Variants in RYR3 observed in about 807,000 individuals in gnomAD.
The protein encoded by RYR3 is ryanodine receptor 3, also known as brain ryanodine receptor-calcium release channel.
In RYR3, 207 loss-of-function variants were observed where a neutral mutation model predicts 584.3. That is an observed-to-expected ratio of 0.35 (90% CI 0.32 to 0.40). RYR3 has a LOEUF of 0.40. Ranked by LOEUF, RYR3 falls within the 10% of genes least tolerant of loss-of-function variation. RYR3 has a pLI of 1.00. For missense variants in RYR3, 5,616 were observed against 6,089.2 expected (o/e 0.92, Z 2.59); for synonymous variants, 2,416 against 2,248.5 (o/e 1.07, Z -2.11).
At chr15:33,789,318 T>C (rs961893128) in intron 67 of RYR3, among the ~76,000 whole-genome samples, 6 of 151,862 alleles carry the variant, frequency 4.0e-5, no homozygotes, top group Admixed American at 1.3e-4. Flanking sequence ...GTGATCTGAT[T>C]CACTCTTTGA....
intron 48 of RYR3, 151 bp from the exon 49 acceptor site, chr15:33,736,084 C>A: frequency 3.5e-6 from 2 of 574,484 alleles, no homozygotes; most frequent in Non-Finnish European, 6.2e-6. Context: ...TCAAGTGTTT[C>A]ATCATCTACT....
chr15:33,519,077 C>A (rs1398185242), intron 3 of RYR3, among the ~76,000 whole-genome samples: 1 of 152,186 alleles, frequency 6.6e-6, no homozygotes, highest in African/African-American at 2.4e-5. Flanking sequence ...CCATTAACTG[C>A]ATCTTTTCCC....
intron 67 of RYR3, among the ~76,000 whole-genome samples, chr15:33,795,486 C>T (rs1314368171): frequency 6.8e-6 from 1 of 147,490 alleles, no homozygotes; most frequent in African/African-American, 2.5e-5. Context: ...CCTCTGCCTC[C>T]TGGGTTCAAG....
chr15:33,790,240 A>G (rs7402430), intron 67 of RYR3, among the ~76,000 whole-genome samples: 91,088 of 150,042 alleles, frequency 0.61, 28,785 homozygotes, highest in East Asian at 0.96. Flanking sequence ...TGATCCACCC[A>G]CCTCGACCTC....
intron 26 of RYR3, among the ~76,000 whole-genome samples, chr15:33,636,032 A>G (rs181833733): frequency 1.6e-4 from 24 of 152,236 alleles, no homozygotes; most frequent in Non-Finnish European, 2.4e-4. Context: ...CCTTTCTACA[A>G]TCACCTTCAT....
chr15:33,632,231 A>G (rs781638236), intron 23 of RYR3, among the ~76,000 whole-genome samples: 5 of 152,232 alleles, frequency 3.3e-5, no homozygotes, highest in African/African-American at 7.2e-5. Context: ...TAGGCAGTCA[A>G]TGGCCCTAGG....
chr15:33,728,062 A>G (rs1213201545), intron 46 of RYR3, among the ~76,000 whole-genome samples: 5 of 152,200 alleles, frequency 3.3e-5, no homozygotes, highest in Non-Finnish European at 7.3e-5. Context: ...TCTATTTATG[A>G]TGTAATAACT....
intron 1 of RYR3, among the ~76,000 whole-genome samples, chr15:33,325,788 TTTCTC>T (rs1187576245): frequency 6.2e-5 from 9 of 145,108 alleles, no homozygotes; most frequent in African/African-American, 1.8e-4. Flanking sequence ...TTTCTTTTCT[TTTCTC>T]TTTTCATTTC....
chr15:33,508,519 G>A (rs1314364416), intron 3 of RYR3, among the ~76,000 whole-genome samples: 4 of 151,970 alleles, frequency 2.6e-5, no homozygotes, highest in East Asian at 3.9e-4. Flanking sequence ...GCATGGTGGC[G>A]GGCGCCTGTA....
intron 38 of RYR3, among the ~76,000 whole-genome samples, chr15:33,687,000 T>C (rs866880017): frequency 6.4e-4 from 98 of 152,138 alleles, no homozygotes; most frequent in African/African-American, 2.3e-3. Context: ...CCTTTGAAAA[T>C]CGGCACAAGA....
At chr15:33,676,938 GGAGA>G (rs899409884) in intron 38 of RYR3, among the ~76,000 whole-genome samples, 1 of 152,176 alleles carries the variant, frequency 6.6e-6, no homozygotes, top group African/African-American at 2.4e-5. Context: ...TTGGTTCTCA[GGAGA>G]GAGAAAGTCG....
intron 3 of RYR3, among the ~76,000 whole-genome samples, chr15:33,529,126 T>C (rs1567457337): frequency 6.6e-6 from 1 of 152,176 alleles, no homozygotes. Flanking sequence ...ATACAGAAAC[T>C]AAAGTTAGTG....
chr15:33,799,821 A>T (rs2075825514), intron 67 of RYR3, among the ~76,000 whole-genome samples: 1 of 152,318 alleles, frequency 6.6e-6, no homozygotes, highest in East Asian at 1.9e-4. Context: ...AGTTAGTGTC[A>T]TATTTGAATT....
intron 2 of RYR3, among the ~76,000 whole-genome samples, chr15:33,500,840 A>C (rs1269508624): frequency 6.6e-6 from 1 of 152,138 alleles, no homozygotes; most frequent in African/African-American, 2.4e-5. Flanking sequence ...TTTGGAGTTT[A>C]ATTAAGGATG....
intron 11 of RYR3, among the ~76,000 whole-genome samples, chr15:33,564,838 C>T (rs766582316): frequency 1.3e-5 from 2 of 152,204 alleles, no homozygotes; most frequent in Non-Finnish European, 2.9e-5. Context: ...TATAAACTCT[C>T]TCCAGCTGGT....
intron 1 of RYR3, among the ~76,000 whole-genome samples, chr15:33,455,237 G>A (rs1406094682): frequency 6.6e-6 from 1 of 152,164 alleles, no homozygotes; most frequent in Admixed American, 6.5e-5. Context: ...GAACAATTAT[G>A]ATGTGAGTTT....
chr15:33,515,288 G>A (rs920074840), intron 3 of RYR3, among the ~76,000 whole-genome samples: 2 of 152,218 alleles, frequency 1.3e-5, no homozygotes, highest in African/African-American at 2.4e-5. Context: ...ACCTCAGGCA[G>A]CTGACCCAGG....
At chr15:33,678,640 G>A (rs4780152) in intron 38 of RYR3, among the ~76,000 whole-genome samples, 26,048 of 152,200 alleles carry the variant, frequency 0.17, 2,560 homozygotes, top group Admixed American at 0.31. Context: ...CAAGGAAGCC[G>A]ATATAGAAAG....
chr15:33,526,430 T>A (rs2054395460), intron 3 of RYR3, among the ~76,000 whole-genome samples: 1 of 152,146 alleles, frequency 6.6e-6, no homozygotes, highest in Non-Finnish European at 1.5e-5. Context: ...AGGACTGCCA[T>A]CCTGATAAAT....
Sources: allele counts gnomAD v4.1 joint callset (sites outside exome capture counted in the v4.1 genomes callset), GRCh38; gene constraint gnomAD v4.1.1; transcripts MANE v1.5; gene names NCBI Gene and HGNC (gene_info 2026-07-23, HGNC 2026-07-21).